UBR3: variants seen among roughly 807,000 people sequenced by gnomAD.
UBR3 encodes the protein E3 ubiquitin-protein ligase UBR3.
UBR3 carries 85 observed loss-of-function variants against 243.2 expected under a neutral mutation model. The ratio of observed to expected loss-of-function variants is 0.35; its 90% CI spans 0.29 to 0.42. The LOEUF (loss-of-function observed/expected upper bound fraction) is 0.42. Ranked by LOEUF, UBR3 falls within the 10% of genes least tolerant of loss-of-function variation. The pLI is 1.00. For synonymous variants in UBR3, 748 were observed against 799.8 expected (o/e 0.94, Z 1.09); for missense variants, 1,686 against 2,300.8 (o/e 0.73, Z 5.47).
chr2:170,054,385 G>A (rs1432897452), intron 32 of UBR3, among the ~76,000 whole-genome samples: 4 of 151,648 alleles, frequency 2.6e-5, no homozygotes, highest in South Asian at 2.1e-4. Flanking sequence ...GGGTTCAAGC[G>A]ATTCTCCTGC....
intron 31 of UBR3, among the ~76,000 whole-genome samples, chr2:170,033,572 T>A: frequency 2.2e-5 from 1 of 46,254 alleles, no homozygotes; most frequent in African/African-American, 7.4e-5. Context: ...GATTGGTTTT[T>A]CCACACCCAC....
chr2:170,030,366 T>C (rs1046913553), intron 31 of UBR3, among the ~76,000 whole-genome samples: 4 of 152,150 alleles, frequency 2.6e-5, no homozygotes, highest in African/African-American at 9.6e-5. Context: ...AGGGCATACA[T>C]AGCTAATAGG....
intron 32 of UBR3, among the ~76,000 whole-genome samples, chr2:170,049,344 T>TC (rs1257525769): frequency 6.6e-6 from 1 of 152,250 alleles, no homozygotes; most frequent in Non-Finnish European, 1.5e-5. Flanking sequence ...ATCCTTGTCA[T>TC]CTTCATGTTG....
chr2:169,942,470 C>T (rs1248704157), intron 19 of UBR3, 23 bp from the exon 20 acceptor site: 1 of 1,526,400 alleles, frequency 6.6e-7, no homozygotes, highest in Non-Finnish European at 8.8e-7. Context: ...TCATCTAATT[C>T]TAGTTTTGTT....
intron 24 of UBR3, among the ~76,000 whole-genome samples, chr2:169,984,957 A>G (rs1458309064): frequency 6.6e-6 from 1 of 152,070 alleles, no homozygotes; most frequent in Non-Finnish European, 1.5e-5. Context: ...CATCTTGGAT[A>G]ATGTATTTTG....
intron 1 of UBR3, among the ~76,000 whole-genome samples, chr2:169,846,373 ATTTC>A (rs2082478276): frequency 6.6e-6 from 1 of 151,708 alleles, no homozygotes; most frequent in Non-Finnish European, 1.5e-5. Context: ...CGTCACCCAT[ATTTC>A]TTTTGATTAT....
intron 1 of UBR3, among the ~76,000 whole-genome samples, chr2:169,836,061 ATATATATTTTTTTTTTT>A (rs2082097590): frequency 5.9e-5 from 2 of 33,990 alleles, no homozygotes; most frequent in South Asian, 1.1e-3. Flanking sequence ...ATATATATAT[ATATATATTTTTTTTTTT>A]TTTTTTTTTT....
chr2:169,976,703 C>G (rs1032409549), intron 24 of UBR3, among the ~76,000 whole-genome samples: 3 of 152,086 alleles, frequency 2.0e-5, no homozygotes, highest in Non-Finnish European at 2.9e-5. Context: ...CTGTCTTTCA[C>G]TTTTTACAAT....
At chr2:170,040,721 A>AT (rs1158239404) in intron 31 of UBR3, among the ~76,000 whole-genome samples, 161 bp from the exon 32 acceptor site, 4 of 151,860 alleles carry the variant, frequency 2.6e-5, no homozygotes, top group Non-Finnish European at 4.4e-5. Flanking sequence ...CTAAAATGTA[A>AT]TTTTTTTGCA....
At chr2:169,882,368 T>A (rs1017871927) in intron 5 of UBR3, among the ~76,000 whole-genome samples, 1 of 59,082 alleles carries the variant, frequency 1.7e-5, no homozygotes. Flanking sequence ...ATTATATATG[T>A]AAATATATAT....
intron 1 of UBR3, among the ~76,000 whole-genome samples, chr2:169,858,187 A>C (rs1164817838): frequency 6.6e-6 from 1 of 152,200 alleles, no homozygotes; most frequent in Admixed American, 6.5e-5. Flanking sequence ...CTAAGTTGGC[A>C]CTGTAATCTT....
intron 32 of UBR3, among the ~76,000 whole-genome samples, chr2:170,054,765 G>T (rs762703921): frequency 1.1e-4 from 17 of 152,004 alleles, no homozygotes; most frequent in Non-Finnish European, 1.6e-4. Flanking sequence ...CATCATATAG[G>T]GGTAGATGAT....
At chr2:169,836,059 ATATATATATTTTTTTTT>A (rs2082095802) in intron 1 of UBR3, among the ~76,000 whole-genome samples, 1 of 40,952 alleles carries the variant, frequency 2.4e-5, no homozygotes, top group Non-Finnish European at 5.3e-5. Context: ...ATATATATAT[ATATATATATTTTTTTTT>A]TTTTTTTTTT....
intron 32 of UBR3, among the ~76,000 whole-genome samples, chr2:170,044,169 G>A (rs1466490626): frequency 6.6e-6 from 1 of 151,998 alleles, no homozygotes; most frequent in Non-Finnish European, 1.5e-5. Context: ...TCTTTATTGG[G>A]ACAGTGTTAT....
At chr2:169,881,854 T>C (rs150809067) in intron 5 of UBR3, among the ~76,000 whole-genome samples, 5,741 of 136,282 alleles carry the variant, frequency 0.042, 158 homozygotes, top group Middle Eastern at 0.073. Flanking sequence ...TACATATACG[T>C]ATATGTGTAT....
intron 24 of UBR3, among the ~76,000 whole-genome samples, chr2:169,986,146 A>G (rs1272786931): frequency 6.6e-6 from 1 of 152,196 alleles, no homozygotes; most frequent in African/African-American, 2.4e-5. Context: ...AAACATATTG[A>G]TAGCTACTAT....
intron 32 of UBR3, among the ~76,000 whole-genome samples, chr2:170,043,913 T>C (rs1172949775): frequency 6.6e-6 from 1 of 152,232 alleles, no homozygotes; most frequent in Non-Finnish European, 1.5e-5. Context: ...CTAGCTGTCA[T>C]TGTGGTGATG....
intron 31 of UBR3, among the ~76,000 whole-genome samples, chr2:170,038,310 C>T (rs1481363672): frequency 1.3e-5 from 2 of 152,152 alleles, no homozygotes; most frequent in African/African-American, 2.4e-5. Context: ...CTCTTTTAAA[C>T]ACCTGTTAAA....
chr2:169,850,390 G>A (rs1390027055), intron 1 of UBR3, among the ~76,000 whole-genome samples: 1 of 152,028 alleles, frequency 6.6e-6, no homozygotes. Flanking sequence ...TATTGGCCAG[G>A]CTGGTCTTGA....
Sources: gnomAD v4.1 joint callset for allele counts (sites outside exome capture counted in the v4.1 genomes callset) on GRCh38, gnomAD v4.1.1 for gene constraint, MANE v1.5 for transcripts, NCBI Gene and HGNC (gene_info 2026-07-23, HGNC 2026-07-21) for gene names.